GLIS3: variants seen among roughly 807,000 people sequenced by gnomAD.
GLIS3 encodes the protein GLIS family zinc finger 3.
In GLIS3, 53 loss-of-function variants were observed where a neutral mutation model predicts 78.6. The observed-to-expected ratio is 0.67, with a 90% confidence interval of 0.54 to 0.85. The LOEUF (loss-of-function observed/expected upper bound fraction) is 0.85. Ranked by LOEUF, GLIS3 falls within the 40% of genes least tolerant of loss-of-function variation. The pLI, the probability that GLIS3 is intolerant of heterozygous loss-of-function variation, is 0.00. For synonymous variants in GLIS3, 684 were observed against 509.9 expected (o/e 1.34, Z -4.60); for missense variants, 1,703 against 1,231.1 (o/e 1.38, Z -5.74).
rs117592138 is a variant in GLIS3, at chr9:4,013,545, C to A, written c.1711-76356G>T. On this transcript the variant is annotated intron_variant, in intron 4 of 10. Coordinates refer to ENST00000381971, the MANE Select transcript of GLIS3 (RefSeq NM_001042413.2). ...GCATACACATCTATACATTTATAGC[C>A]TGCATACAGGGCCTAGCACAGAGCA... Among the ~76,000 whole-genome samples, 872 of 152,258 alleles carry A rather than the reference C, an allele frequency of 5.7e-3. 13 individuals are homozygous for A. Among genetic ancestry groups the A allele is most frequent in the East Asian group, 0.036 (184 of 5,176 alleles).
chr9:4,125,063 C>T (rs1195004254), intron 3 of GLIS3, among the ~76,000 whole-genome samples: 1 of 152,150 alleles, frequency 6.6e-6, no homozygotes, highest in African/African-American at 2.4e-5. Flanking sequence ...CAATTCCCTC[C>T]CTTGGAGATA....
At chr9:4,098,041 C>G (rs531270405) in intron 4 of GLIS3, among the ~76,000 whole-genome samples, 1 of 152,270 alleles carries the variant, frequency 6.6e-6, no homozygotes, top group East Asian at 1.9e-4. Context: ...CTCAGCATCA[C>G]ACTGAAAGGC....
In GLIS3 at chr9:3,854,623, G is replaced by A. The variant is rs527878408; in HGVS notation, c.2473+1386C>T. Among the ~76,000 whole-genome samples, 70 of 151,264 alleles carry A rather than the reference G, an allele frequency of 4.6e-4. 1 individual carries two copies. Among genetic ancestry groups the A allele is most frequent in the South Asian group, 4.0e-3 (19 of 4,766 alleles). On this transcript the variant is annotated intron_variant, in intron 9 of 10. Coordinates refer to ENST00000381971, the MANE Select transcript of GLIS3 (RefSeq NM_001042413.2). ...GCGATCTTGGCTCACTGCCAGTTCC[G>A]CCTCCCGGGTTCATGCTATTCTCCT...
chr9:4,144,270 G>A (rs777523705), intron 2 of GLIS3, among the ~76,000 whole-genome samples: 7 of 152,158 alleles, frequency 4.6e-5, no homozygotes, highest in East Asian at 1.9e-4. Context: ...CAGCTCAACC[G>A]ACTTGTTTTT....
chr9:3,966,311 CA>C (rs1817927543), intron 4 of GLIS3, among the ~76,000 whole-genome samples: 1 of 151,858 alleles, frequency 6.6e-6, no homozygotes, highest in African/African-American at 2.4e-5. Context: ...TTGTAATCAG[CA>C]GGAGCAAAAA....
chr9:4,223,447 T>C (rs1389774959), intron 2 of GLIS3, among the ~76,000 whole-genome samples: 1 of 152,188 alleles, frequency 6.6e-6, no homozygotes, highest in Admixed American at 6.5e-5. Context: ...AAACAAACCA[T>C]ACAGAGCCAA....
the GLIS3 span, among the ~76,000 whole-genome samples, chr9:4,365,802 C>T: frequency 2.0e-5 from 3 of 152,198 alleles, no homozygotes; most frequent in Non-Finnish European, 4.4e-5. Context: ...TTATGCTTCA[C>T]ATCTAAAATG....
At chr9:4,441,085 A>T in the GLIS3 span, among the ~76,000 whole-genome samples, 26 of 152,286 alleles carry the variant, frequency 1.7e-4, no homozygotes, top group Admixed American at 5.2e-4. Context: ...ATGTAAGATC[A>T]TGTTATCTGC....
chr9:4,467,327 T>G, the GLIS3 span, among the ~76,000 whole-genome samples: 2 of 152,202 alleles, frequency 1.3e-5, no homozygotes, highest in Non-Finnish European at 2.9e-5. Context: ...ACGGACAGAC[T>G]GCCTCCTCAA....
At chr9:4,088,738 G>A (rs1398234516) in intron 4 of GLIS3, among the ~76,000 whole-genome samples, 1 of 152,206 alleles carries the variant, frequency 6.6e-6, no homozygotes, top group Non-Finnish European at 1.5e-5. Flanking sequence ...GGCATTCCTT[G>A]TAAATTTTAG....
At chr9:3,896,686 T>TAAAAAAAAAAAAA (rs1822866704) in intron 7 of GLIS3, among the ~76,000 whole-genome samples, 11 of 27,638 alleles carry the variant, frequency 4.0e-4, no homozygotes, top group Admixed American at 7.3e-4. Flanking sequence ...AAAAAAGAAG[T>TAAAAAAAAAAAAA]AGAGAGGGTA....
chr9:4,081,999 C>G (rs1160329465), intron 4 of GLIS3, among the ~76,000 whole-genome samples: 1 of 152,176 alleles, frequency 6.6e-6, no homozygotes, highest in East Asian at 1.9e-4. Flanking sequence ...AGCTAATAAT[C>G]TAAACATAAA....
At position 4,072,065 on chromosome 9, in the gene GLIS3, C is replaced by T. The variant is rs139931599; in HGVS notation, c.1710+45703G>A. ...TGCTAGGTCTTCCTGTTGTCTCAGCCACTAAAGAAGTCCAGGCAAAGCTGT... is the reference window on the plus strand; with the variant it reads ...TGCTAGGTCTTCCTGTTGTCTCAGCTACTAAAGAAGTCCAGGCAAAGCTGT... On this transcript the variant is annotated intron_variant, in intron 4 of 10. Transcript: ENST00000381971. Among the ~76,000 whole-genome samples the T allele has an allele frequency of 3.1e-3, 467 of 152,270 alleles. 3 individuals carry two copies. The highest frequency in any genetic ancestry group is 4.5e-3 in the Non-Finnish European group (303 of 68,022).
chr9:4,428,641 G>C, the GLIS3 span, among the ~76,000 whole-genome samples: 2 of 151,874 alleles, frequency 1.3e-5, no homozygotes, highest in South Asian at 4.2e-4. Flanking sequence ...ACAAGTCTGG[G>C]GCCTTAATTT....
chr9:4,087,438 T>C (rs760565779), intron 4 of GLIS3, among the ~76,000 whole-genome samples: 2 of 152,124 alleles, frequency 1.3e-5, no homozygotes, highest in African/African-American at 2.4e-5. Flanking sequence ...AATGATAGCC[T>C]CATAAACAAA....
rs573586861 is a variant in GLIS3, at chr9:4,158,947, G to A, written c.389-33006C>T. ...GAAGAAACCAGCCATGTAACAATAC[G>A]GGGGCGGAGTCCCGGGCAGAAAAAA... On this transcript the variant is annotated intron_variant, in intron 2 of 10. Coordinates refer to ENST00000381971, the MANE Select transcript of GLIS3 (RefSeq NM_001042413.2). Among the ~76,000 whole-genome samples, 12 of 151,018 alleles carry A rather than the reference G, an allele frequency of 7.9e-5. No individual in the cohort carries two copies. In the East Asian group the frequency reaches 1.7e-3, roughly 22 times the overall value.
intron 4 of GLIS3, among the ~76,000 whole-genome samples, chr9:4,019,614 T>C (rs760801706): frequency 2.8e-4 from 43 of 152,034 alleles, no homozygotes; most frequent in Non-Finnish European, 5.9e-4. Flanking sequence ...GTAAAGCCTA[T>C]AGCATGCTAC....
At chr9:4,247,694 G>A (rs1250198702) in intron 2 of GLIS3, among the ~76,000 whole-genome samples, 1 of 152,058 alleles carries the variant, frequency 6.6e-6, no homozygotes, top group Non-Finnish European at 1.5e-5. Flanking sequence ...AGAAGTAACA[G>A]AGCTATTATT....
At chr9:3,938,178 T>C (rs1302916327) in intron 4 of GLIS3, among the ~76,000 whole-genome samples, 1 of 152,200 alleles carries the variant, frequency 6.6e-6, no homozygotes, top group East Asian at 1.9e-4. Flanking sequence ...AGAATAGTTA[T>C]GTTACTTAGA....
Sources: allele counts gnomAD v4.1 joint callset (sites outside exome capture counted in the v4.1 genomes callset), GRCh38; gene constraint gnomAD v4.1.1; transcripts MANE v1.5; gene names NCBI Gene and HGNC (gene_info 2026-07-23, HGNC 2026-07-21).